SAMD5: variants seen among roughly 807,000 people sequenced by gnomAD.
SAMD5 encodes the protein sterile alpha motif domain-containing protein 5.
Under a neutral mutation model 11.3 loss-of-function variants are expected in SAMD5, and 13 were observed. The observed-to-expected ratio is 1.15, with a 90% CI of 0.75 to 1.83. SAMD5 has a LOEUF of 1.83. SAMD5 is among the 40% of genes most tolerant of loss of function. The pLI is 0.00. For missense variants in SAMD5, 255 were observed against 239.1 expected (o/e 1.07, Z -0.44); for synonymous variants, 129 against 111.3 (o/e 1.16, Z -1.00).
At chr6:147,744,712 A>G in the SAMD5 span, among the ~76,000 whole-genome samples, 3 of 152,164 alleles carry the variant, frequency 2.0e-5, no homozygotes, top group African/African-American at 7.2e-5. Flanking sequence ...AGCCTGGCCA[A>G]CATGGTGAAA....
intron 1 of SAMD5, among the ~76,000 whole-genome samples, chr6:147,562,596 G>A (rs1204368472): frequency 6.6e-6 from 1 of 152,216 alleles, no homozygotes; most frequent in African/African-American, 2.4e-5. Context: ...GCTGAGGCGG[G>A]TGGATCACGA....
the SAMD5 span, among the ~76,000 whole-genome samples, chr6:147,817,741 C>G: frequency 6.6e-6 from 1 of 152,196 alleles, no homozygotes; most frequent in Non-Finnish European, 1.5e-5. Context: ...CATCCACACT[C>G]TTGGTTCTCA....
At chr6:147,919,127 C>T in the SAMD5 span, among the ~76,000 whole-genome samples, 3 of 152,080 alleles carry the variant, frequency 2.0e-5, no homozygotes, top group South Asian at 2.1e-4. Context: ...TGGCAAATGG[C>T]GTAGTTTACA....
At chr6:147,705,448 T>C (rs954295108) in intron 1 of SAMD5, among the ~76,000 whole-genome samples, 1 of 152,228 alleles carries the variant, frequency 6.6e-6, no homozygotes, top group Non-Finnish European at 1.5e-5. Flanking sequence ...CATTTAAATA[T>C]TCATTTTATG....
At chr6:147,693,648 C>A (rs990862380) in intron 1 of SAMD5, among the ~76,000 whole-genome samples, 2 of 152,164 alleles carry the variant, frequency 1.3e-5, no homozygotes, top group African/African-American at 2.4e-5. Context: ...ACAAGGTGAA[C>A]CACAGCTAGG....
At chr6:147,826,257 CA>C in the SAMD5 span, among the ~76,000 whole-genome samples, 3 of 152,220 alleles carry the variant, frequency 2.0e-5, no homozygotes, top group East Asian at 5.8e-4. Context: ...TTAGTAGTCA[CA>C]ATGCATTGGA....
intron 1 of SAMD5, among the ~76,000 whole-genome samples, chr6:147,661,628 GTTTA>G (rs534381627): frequency 1.1e-4 from 16 of 152,142 alleles, no homozygotes; most frequent in South Asian, 2.1e-4. Flanking sequence ...GTGTTTGTTT[GTTTA>G]TTTATTTATT....
chr6:147,565,584 G>A lies in SAMD5; in HGVS notation c.*1128G>A. On this transcript the variant is annotated 3_prime_UTR_variant, in exon 2 of 2. Coordinates refer to ENST00000367474, the MANE Select transcript of SAMD5 (RefSeq NM_001030060.3). ...AGGAATTCTCCTGCCTCGGCCTCTT[G>A]GTAGCTGGGATTACAGGCACGCATC... 1 of 449,160 alleles carries A rather than the reference G, an allele frequency of 2.2e-6. No individual in the cohort carries two copies. Among genetic ancestry groups the A allele is most frequent in the Non-Finnish European group, 2.9e-6 (1 of 340,554 alleles). 27.8% of individuals were successfully genotyped at this position (449,160 alleles called of 1,614,324 possible). A position where few individuals can be genotyped will look rare whatever the true frequency, so the allele number is the denominator to read the frequency against.
At chr6:147,531,184 G>A (rs1030276987) in intron 1 of SAMD5, among the ~76,000 whole-genome samples, 59 of 149,882 alleles carry the variant, frequency 3.9e-4, no homozygotes, top group African/African-American at 1.4e-3. Context: ...CAATTTTAGA[G>A]ATGATAGAGG....
intron 1 of SAMD5, among the ~76,000 whole-genome samples, chr6:147,717,451 G>A (rs1791484281): frequency 6.6e-6 from 1 of 152,134 alleles, no homozygotes; most frequent in South Asian, 2.1e-4. Context: ...GTGAGGAATG[G>A]ACGGACTCTG....
chr6:147,914,507 T>C, the SAMD5 span, among the ~76,000 whole-genome samples: 1 of 152,142 alleles, frequency 6.6e-6, no homozygotes. Flanking sequence ...AAATTGATAA[T>C]GGCAGAAAAG....
At chr6:147,704,560 A>T (rs936924997) in intron 1 of SAMD5, among the ~76,000 whole-genome samples, 3 of 152,176 alleles carry the variant, frequency 2.0e-5, no homozygotes, top group East Asian at 1.9e-4. Context: ...AAATCAGAAA[A>T]AAAAAGGGCT....
At chr6:147,930,259 A>G in the SAMD5 span, among the ~76,000 whole-genome samples, 1 of 152,096 alleles carries the variant, frequency 6.6e-6, no homozygotes, top group Non-Finnish European at 1.5e-5. Context: ...CATTTTGGTT[A>G]CAACACTTAA....
intron 1 of SAMD5, among the ~76,000 whole-genome samples, chr6:147,648,719 C>G (rs1411094058): frequency 6.6e-6 from 1 of 152,166 alleles, no homozygotes; most frequent in African/African-American, 2.4e-5. Flanking sequence ...GCTTGGTACT[C>G]TTTTGGCTGC....
Position 147,566,993 on chromosome 6 carries a change from A to G in SAMD5, c.*2537A>G. ...AGAAGTAGCAATTGACTAAGAATAAATATGTTATAAAAACTAGGGGATTAT... is the reference window on the plus strand; with the variant it reads ...AGAAGTAGCAATTGACTAAGAATAAGTATGTTATAAAAACTAGGGGATTAT... On this transcript the variant is annotated 3_prime_UTR_variant, in exon 2 of 2. Transcript: ENST00000367474. 1.2e-6 allele frequency: 1 copy of G among 830,026 alleles called. No homozygotes were observed. Among genetic ancestry groups the G allele is most frequent in the Non-Finnish European group, 1.5e-6 (1 of 688,658 alleles). 51.4% of individuals were successfully genotyped at this position (830,026 alleles called of 1,614,324 possible).
At position 147,509,211 on chromosome 6, in the gene SAMD5, CG is replaced by C; in HGVS notation, c.289del (p.Glu97SerfsTer27). On this transcript the variant is annotated frameshift_variant, in exon 1 of 2. Transcript: ENST00000367474. LOFTEE classifies it high-confidence loss of function. ...CGCCGACGCCGTCCCCACCGGCCGC[CG>C]GGGGGAGCCGTGCGGCGGCCCGGCC... ...PPADAVPTGR[R>X]GEPCGGPAQG... 14 of 1,305,086 alleles carry C rather than the reference CG, an allele frequency of 1.1e-5. No individual in the cohort carries two copies. In the South Asian group the frequency reaches 1.6e-4, roughly 15 times the overall value. The allele number at this position is 1,305,086 out of a possible 1,614,324, so 80.8% of individuals were successfully genotyped here.
At chr6:147,642,305 T>C (rs1790324428) in intron 1 of SAMD5, among the ~76,000 whole-genome samples, 2 of 152,236 alleles carry the variant, frequency 1.3e-5, no homozygotes, top group African/African-American at 4.8e-5. Flanking sequence ...TTTAATTCTA[T>C]ATGACAAGGG....
intron 1 of SAMD5, among the ~76,000 whole-genome samples, chr6:147,663,806 AAAAAAAGAG>A (rs1562346271): frequency 1.4e-5 from 2 of 139,666 alleles, no homozygotes; most frequent in Admixed American, 7.4e-5. Flanking sequence ...AAAAAAAAAA[AAAAAAAGAG>A]AGAGAAAGAA....
chr6:147,908,479 G>A, the SAMD5 span, among the ~76,000 whole-genome samples: 2 of 152,120 alleles, frequency 1.3e-5, no homozygotes, highest in Non-Finnish European at 1.5e-5. Context: ...CTCAAGTAGT[G>A]AACCTAACCT....
Sources: allele counts gnomAD v4.1 joint callset (sites outside exome capture counted in the v4.1 genomes callset), GRCh38; gene constraint gnomAD v4.1.1; transcripts MANE v1.5; gene names NCBI Gene and HGNC (gene_info 2026-07-23, HGNC 2026-07-21).